XPO7: variants seen among roughly 807,000 people sequenced by gnomAD.
XPO7 encodes the protein exportin-7.
XPO7 carries 21 observed loss-of-function variants against 144.3 expected under a neutral mutation model. The observed-to-expected ratio is 0.15, with a 90% CI of 0.10 to 0.21. The LOEUF (loss-of-function observed/expected upper bound fraction) is 0.21. XPO7 is among the 10% of genes least tolerant of loss of function. XPO7 has a pLI of 1.00. For missense variants in XPO7, 808 were observed against 1,325.8 expected, an observed-to-expected ratio of 0.61 and a Z score of 6.06; for synonymous variants, 580 against 499.6, an observed-to-expected ratio of 1.16 and a Z score of -2.15.
At chr8:21,945,158 G>C (rs979831420) in intron 1 of XPO7, among the ~76,000 whole-genome samples, 2 of 152,086 alleles carry the variant, frequency 1.3e-5, no homozygotes, top group Non-Finnish European at 2.9e-5. Flanking sequence ...GGGCAGAGGG[G>C]CTCTTCACTT....
At position 21,952,910 on chromosome 8, in the gene XPO7, G is replaced by A. The variant is rs556192798; in HGVS notation, c.19-13947G>A. ...AAGGAAGAATAGGACTTCTTAAACT[G>A]GCAAATTAGATGTTTTTACTAGACT... On this transcript the variant is annotated intron_variant, in intron 1 of 27. Transcript: ENST00000252512. Among the ~76,000 whole-genome samples the A allele has an allele frequency of 2.0e-5, 3 of 152,266 alleles. No homozygotes were observed. The South Asian group carries it at 6.2e-4, about 32-fold the overall frequency.
chr8:21,990,150 G>T (rs1004416722), intron 16 of XPO7, among the ~76,000 whole-genome samples, 194 bp from the exon 17 acceptor site: 1 of 151,982 alleles, frequency 6.6e-6, no homozygotes, highest in African/African-American at 2.4e-5. Context: ...CGCCCGGCCA[G>T]TATAGGTGTT....
At chr8:21,925,308 GACAC>G (rs1430149046) in intron 1 of XPO7, among the ~76,000 whole-genome samples, 1 of 152,062 alleles carries the variant, frequency 6.6e-6, no homozygotes, top group African/African-American at 2.4e-5. Context: ...TGCACACAAG[GACAC>G]ACACACACTC....
At chr8:21,999,823 A>C (rs1813078341) in intron 24 of XPO7, 149 bp downstream of exon 24, 1 of 1,018,436 alleles carries the variant, frequency 9.8e-7, no homozygotes, top group Non-Finnish European at 1.4e-6. Context: ...TGCACAGCAC[A>C]TGCTTATCCA....
chr8:21,996,776 GT>G (rs931357870), intron 21 of XPO7, among the ~76,000 whole-genome samples: 1 of 151,628 alleles, frequency 6.6e-6, no homozygotes, highest in Non-Finnish European at 1.5e-5. Context: ...AATTAGTAAG[GT>G]TTTTTTTCTT....
At chr8:22,003,021 A>G (rs1813205498) in intron 25 of XPO7, 198 bp from the exon 26 acceptor site, 2 of 425,462 alleles carry the variant, frequency 4.7e-6, no homozygotes, top group South Asian at 3.6e-5. Flanking sequence ...TTTAAGAACA[A>G]GAAAGGAAAT....
chr8:21,994,465 A>T lies in XPO7; in HGVS notation c.2237+14A>T, dbSNP rs557986095. 4 of 1,606,282 alleles carry T rather than the reference A, an allele frequency of 2.5e-6. No homozygotes were observed. In the South Asian group the frequency reaches 4.4e-5, roughly 18 times the overall value. ...CTTTGAATGGATGTATCCTAACTCA[A>T]ACTAGGAGCACACTACAGCCTGCCT... On this transcript the variant is annotated intron_variant, in intron 20 of 27. Coordinates refer to ENST00000252512, the MANE Select transcript of XPO7 (RefSeq NM_015024.5).
intron 21 of XPO7, among the ~76,000 whole-genome samples, chr8:21,996,966 G>A (rs34180791): frequency 0.35 from 53,657 of 151,754 alleles, 10,082 homozygotes; most frequent in Non-Finnish European, 0.42. Flanking sequence ...GCGCCACCAC[G>A]CCCGGCTAAT....
At chr8:21,985,481 T>G in intron 12 of XPO7, 105 bp from the exon 13 acceptor site, 1 of 1,081,642 alleles carries the variant, frequency 9.2e-7, no homozygotes, top group South Asian at 1.3e-5. Context: ...AAAGTAAGAC[T>G]TCATGGTTTC....
intron 1 of XPO7, among the ~76,000 whole-genome samples, chr8:21,964,715 C>T (rs967775697): frequency 1.3e-5 from 2 of 152,008 alleles, no homozygotes; most frequent in African/African-American, 4.8e-5. Context: ...AACTCATTAC[C>T]AGACTTACCC....
At chr8:21,996,848 G>T (rs955899081) in intron 21 of XPO7, among the ~76,000 whole-genome samples, 1 of 151,612 alleles carries the variant, frequency 6.6e-6, no homozygotes, top group Non-Finnish European at 1.5e-5. Context: ...CTCTCTTGTC[G>T]CCAGGCTGAA....
intron 15 of XPO7, 33 bp downstream of exon 15, chr8:21,987,890 C>A: frequency 6.2e-7 from 1 of 1,604,058 alleles, no homozygotes; most frequent in South Asian, 1.1e-5. Context: ...AGCAAGAGTC[C>A]TTTGCACTCC....
At chr8:21,956,609 C>A (rs2117301809) in intron 1 of XPO7, among the ~76,000 whole-genome samples, 1 of 151,456 alleles carries the variant, frequency 6.6e-6, no homozygotes, top group Non-Finnish European at 1.5e-5. Flanking sequence ...CTCTTTCCCT[C>A]TTGGTCCTTT....
Position 21,987,203 on chromosome 8 carries a change from A to C in XPO7, c.1640A>C (p.Glu547Ala), listed in dbSNP as rs1307172586. Residue 547 changes from glutamate to alanine, a missense_variant, in exon 14 of 28, where the codon GAG becomes GCG. Coordinates refer to ENST00000252512, the MANE Select transcript of XPO7 (RefSeq NM_015024.5). ...RLAQAGNEKLELAMLSFFEQF... is the reference protein window; with the variant it reads ...RLAQAGNEKLALAMLSFFEQF... Reference sequence around the variant, plus strand: ...GCCCAGGCGGGTAATGAGAAGCTAGAGTTGGCCATGCTGAGCTTTTTTGAA... The same window carrying C: ...GCCCAGGCGGGTAATGAGAAGCTAGCGTTGGCCATGCTGAGCTTTTTTGAA... The C allele has an allele frequency of 6.2e-7, 1 of 1,613,934 alleles. No individual in the cohort carries two copies. Among genetic ancestry groups the C allele is most frequent in the Non-Finnish European group, 8.5e-7 (1 of 1,179,904 alleles).
intron 1 of XPO7, among the ~76,000 whole-genome samples, chr8:21,939,229 T>TC (rs1336724150): frequency 6.6e-6 from 1 of 151,484 alleles, no homozygotes; most frequent in African/African-American, 2.4e-5. Flanking sequence ...TCTTTTCTTT[T>TC]TTTTTTTTTG....
At chr8:22,001,273 C>T (rs1397052077) in intron 24 of XPO7, among the ~76,000 whole-genome samples, 2 of 151,082 alleles carry the variant, frequency 1.3e-5, no homozygotes, top group Non-Finnish European at 2.9e-5. Flanking sequence ...GCCACTTCTG[C>T]ACTCCAGCCC....
chr8:21,948,090 AT>A (rs572756877), intron 1 of XPO7, among the ~76,000 whole-genome samples: 226 of 152,310 alleles, frequency 1.5e-3, no homozygotes, highest in South Asian at 5.0e-3. Context: ...TACTTACCAA[AT>A]TTGTAATACC....
At chr8:21,968,770 A>G (rs914489430) in intron 2 of XPO7, among the ~76,000 whole-genome samples, 10 of 152,320 alleles carry the variant, frequency 6.6e-5, no homozygotes, top group Admixed American at 1.3e-4. Flanking sequence ...ATGGCATTGT[A>G]TATAATATAG....
intron 1 of XPO7, among the ~76,000 whole-genome samples, chr8:21,939,987 T>G (rs1585423946): frequency 6.6e-6 from 1 of 152,374 alleles, no homozygotes; most frequent in Non-Finnish European, 1.5e-5. Flanking sequence ...TATTAGCCTT[T>G]TCAGAACTGA....
Sources: allele counts gnomAD v4.1 joint callset (sites outside exome capture counted in the v4.1 genomes callset), GRCh38; gene constraint gnomAD v4.1.1; transcripts MANE v1.5; gene names NCBI Gene and HGNC (gene_info 2026-07-23, HGNC 2026-07-21).